Variants in PTBP3 observed in about 807,000 individuals in gnomAD.
The protein encoded by PTBP3 is polypyrimidine tract binding protein 3.
In PTBP3, 20 loss-of-function variants were observed where a neutral mutation model predicts 58.7. That is an observed-to-expected ratio of 0.34 (90% CI 0.24 to 0.50). The LOEUF is 0.50. Ranked by LOEUF, PTBP3 falls within the 20% of genes least tolerant of loss-of-function variation. The probability of loss-of-function intolerance (pLI) is 0.98; values close to 1 mark genes in which losing one functional copy is unlikely to be tolerated. For synonymous variants in PTBP3, 185 were observed against 219.8 expected (o/e 0.84, Z 1.40); for missense variants, 509 against 637.2 (o/e 0.80, Z 2.17).
intron 1 of PTBP3, among the ~76,000 whole-genome samples, chr9:112,305,637 T>C (rs1192021198): frequency 6.6e-6 from 1 of 152,110 alleles, no homozygotes; most frequent in South Asian, 2.1e-4. Flanking sequence ...TAGCAAACCA[T>C]GCTGTGAGTA....
At chr9:112,376,800 T>C in the PTBP3 span, among the ~76,000 whole-genome samples, 1 of 152,092 alleles carries the variant, frequency 6.6e-6, no homozygotes, top group Non-Finnish European at 1.5e-5. Context: ...TAAGGGTGGG[T>C]CTGCCCTTCC....
intron 9 of PTBP3, among the ~76,000 whole-genome samples, 187 bp downstream of exon 9, chr9:112,231,912 A>AAG (rs1835216610): frequency 9.3e-6 from 1 of 107,278 alleles, no homozygotes; most frequent in Non-Finnish European, 1.9e-5. Flanking sequence ...CTGAAAAGAA[A>AAG]AGAAGAGAAG....
chr9:112,248,186 C>T (rs1018578531), intron 7 of PTBP3, among the ~76,000 whole-genome samples: 2 of 151,936 alleles, frequency 1.3e-5, no homozygotes. Flanking sequence ...CAAAAAAGCA[C>T]AAATGTAAAG....
chr9:112,286,391 C>T (rs531374417), intron 2 of PTBP3, among the ~76,000 whole-genome samples: 2 of 152,042 alleles, frequency 1.3e-5, no homozygotes, highest in African/African-American at 2.4e-5. Flanking sequence ...CCTTGTTTCC[C>T]GGCTTCCTTT....
chr9:112,367,899 C>G, the PTBP3 span, among the ~76,000 whole-genome samples: 1 of 152,190 alleles, frequency 6.6e-6, no homozygotes, highest in Non-Finnish European at 1.5e-5. Context: ...TTCTCTTTCA[C>G]TGTTCCTTCT....
chr9:112,295,928 T>C (rs1404199942), intron 2 of PTBP3, among the ~76,000 whole-genome samples: 1 of 152,220 alleles, frequency 6.6e-6, no homozygotes, highest in African/African-American at 2.4e-5. Context: ...ATCAAGCTTG[T>C]CCAACATGCA....
chr9:112,366,616 G>C, the PTBP3 span, among the ~76,000 whole-genome samples: 2 of 152,156 alleles, frequency 1.3e-5, no homozygotes, highest in Admixed American at 6.5e-5. Flanking sequence ...CCTCCACCTA[G>C]ATTTCCAAAG....
At chr9:112,277,928 TAACATAACATAACATAATATAAC>T (rs1564427527) in intron 2 of PTBP3, among the ~76,000 whole-genome samples, 40 of 117,270 alleles carry the variant, frequency 3.4e-4, no homozygotes, top group East Asian at 1.9e-3. Context: ...TAACATAACA[TAACATAACATAACATAATATAAC>T]ATAACATAAC....
At chr9:112,258,718 T>C (rs1010220891) in intron 5 of PTBP3, among the ~76,000 whole-genome samples, 7 of 152,076 alleles carry the variant, frequency 4.6e-5, no homozygotes, top group Admixed American at 2.0e-4. Flanking sequence ...TCAAAATATA[T>C]CCACAGAAGC....
At position 112,221,351 on chromosome 9, in the gene PTBP3, A is replaced by G. The variant is rs1056247595; in HGVS notation, c.*2500T>C. The G allele has an allele frequency of 4.9e-5, 48 of 985,720 alleles. No individual in the cohort carries two copies. The highest frequency in any genetic ancestry group is 5.7e-5 in the Non-Finnish European group (47 of 829,928). 61.1% of individuals were successfully genotyped at this position (985,720 alleles called of 1,614,324 possible). On this transcript the variant is annotated 3_prime_UTR_variant, in exon 14 of 14. Coordinates refer to ENST00000374257, the MANE Select transcript of PTBP3 (RefSeq NM_001163788.4). ...ATTCAAATGTTCTCTCTCAGACTTAAAAGGCCATTCCCTACTTCAAAGTTA... is the reference window on the plus strand; with the variant it reads ...ATTCAAATGTTCTCTCTCAGACTTAGAAGGCCATTCCCTACTTCAAAGTTA...
chr9:112,333,545 G>T lies in PTBP3; in HGVS notation c.-127C>A. 1.3e-6 allele frequency: 2 copies of T among 1,545,370 alleles called. No homozygotes were observed. On this transcript the variant is annotated 5_prime_UTR_variant, in exon 1 of 14. Coordinates refer to ENST00000374257, the MANE Select transcript of PTBP3 (RefSeq NM_001163788.4). ...ACCGCGAGCAGAGGAAGCAGGCGGC[G>T]GCAGCAGGGCGGTTCCGGGGACAAG...
At chr9:112,344,559 T>G in the PTBP3 span, among the ~76,000 whole-genome samples, 55,991 of 152,022 alleles carry the variant, frequency 0.37, 10,542 homozygotes, top group South Asian at 0.44. Context: ...GCAAGCTAAA[T>G]AAATCTCTTT....
chr9:112,247,147 T>C lies in PTBP3; in HGVS notation c.802+3782A>G, dbSNP rs150304600. Reference sequence around the variant, plus strand: ...CACCCAGGAGGCTGAGGTACAAGGATCACTTGAACCCAGGAGGCTGAGGTA... The same window carrying C: ...CACCCAGGAGGCTGAGGTACAAGGACCACTTGAACCCAGGAGGCTGAGGTA... On this transcript the variant is annotated intron_variant, in intron 7 of 13. Transcript: ENST00000374257. 2.4e-3 allele frequency among the ~76,000 whole-genome samples: 371 copies of C among 151,788 alleles called. 3 individuals are homozygous for C. The highest frequency in any genetic ancestry group is 8.5e-3 in the African/African-American group (349 of 41,176).
intron 5 of PTBP3, among the ~76,000 whole-genome samples, chr9:112,262,112 G>C (rs752280113): frequency 2.0e-4 from 30 of 151,908 alleles, no homozygotes; most frequent in Admixed American, 3.9e-4. Flanking sequence ...AAATAAATTA[G>C]TTGTACTCAA....
intron 7 of PTBP3, among the ~76,000 whole-genome samples, chr9:112,240,761 T>C (rs1269579840): frequency 6.6e-6 from 1 of 152,146 alleles, no homozygotes; most frequent in African/African-American, 2.4e-5. Flanking sequence ...GCATGTTTAC[T>C]GTCCCTGAAG....
At chr9:112,326,389 T>C (rs4542000) in intron 1 of PTBP3, among the ~76,000 whole-genome samples, 129,255 of 152,274 alleles carry the variant, frequency 0.85, 55,280 homozygotes, top group African/African-American at 0.95. Context: ...TGAAAGGAGC[T>C]ACGGACAATA....
intron 10 of PTBP3, among the ~76,000 whole-genome samples, chr9:112,230,701 T>C (rs1023375313): frequency 6.6e-6 from 1 of 152,224 alleles, no homozygotes; most frequent in Non-Finnish European, 1.5e-5. Flanking sequence ...TCAAAGCATA[T>C]TAATCATACT....
intron 3 of PTBP3, among the ~76,000 whole-genome samples, chr9:112,270,998 T>C (rs1169781835): frequency 1.3e-5 from 2 of 152,058 alleles, no homozygotes; most frequent in South Asian, 2.1e-4. Flanking sequence ...GGCTTATTTT[T>C]GTATTTTTAG....
At chr9:112,376,273 GAGAA>G in the PTBP3 span, among the ~76,000 whole-genome samples, 2 of 6,096 alleles carry the variant, frequency 3.3e-4, no homozygotes, top group East Asian at 9.0e-3. Flanking sequence ...TTTTTTTTTT[GAGAA>G]AGAGTCTCGG....
Sources: allele counts gnomAD v4.1 joint callset (sites outside exome capture counted in the v4.1 genomes callset), GRCh38; gene constraint gnomAD v4.1.1; transcripts MANE v1.5; gene names NCBI Gene and HGNC (gene_info 2026-07-23, HGNC 2026-07-21).